HERC4: variants seen among roughly 807,000 people sequenced by gnomAD.
The protein encoded by HERC4 is HECT and RLD domain containing E3 ubiquitin protein ligase 4.
A neutral mutation model predicts 124.3 loss-of-function variants in HERC4; 28 were observed. The ratio of observed to expected loss-of-function variants is 0.23; its 90% CI spans 0.17 to 0.31. HERC4 has a LOEUF of 0.31. Ranked by LOEUF, HERC4 falls within the 10% of genes least tolerant of loss-of-function variation. HERC4 has a pLI of 1.00. For synonymous variants in HERC4, 407 were observed against 421.5 expected, an observed-to-expected ratio of 0.97 and a Z score of 0.42; for missense variants, 713 against 1,229.3, an observed-to-expected ratio of 0.58 and a Z score of 6.28.
intron 9 of HERC4, among the ~76,000 whole-genome samples, chr10:68,009,924 G>A (rs1294838364): frequency 6.6e-6 from 1 of 152,182 alleles, no homozygotes; most frequent in Non-Finnish European, 1.5e-5. Context: ...AAATGGATGA[G>A]GAGTATTTTT....
chr10:67,986,753 G>C (rs556550322), intron 15 of HERC4, among the ~76,000 whole-genome samples: 1 of 152,178 alleles, frequency 6.6e-6, no homozygotes, highest in Non-Finnish European at 1.5e-5. Context: ...ATGGGATAAA[G>C]AAAAAGACTT....
intron 9 of HERC4, among the ~76,000 whole-genome samples, chr10:68,003,919 A>C (rs1454300241): frequency 1.3e-5 from 2 of 152,182 alleles, no homozygotes; most frequent in African/African-American, 4.8e-5. Context: ...TTTTTTAAGG[A>C]ATCTCCATAC....
intron 3 of HERC4, among the ~76,000 whole-genome samples, chr10:68,072,450 A>T (rs2041620072): frequency 6.6e-6 from 1 of 152,172 alleles, no homozygotes; most frequent in Non-Finnish European, 1.5e-5. Flanking sequence ...AAAGAATAAA[A>T]ATATATTTTA....
At chr10:67,988,919 A>G (rs1190478568) in intron 14 of HERC4, 84 bp from the exon 15 acceptor site, 2 of 1,076,358 alleles carry the variant, frequency 1.9e-6, no homozygotes, top group Non-Finnish European at 2.8e-6. Context: ...TTTTTTCTGA[A>G]ACAGTAGTTG....
intron 19 of HERC4, among the ~76,000 whole-genome samples, chr10:67,952,506 A>C (rs186750155): frequency 4.2e-4 from 64 of 151,068 alleles, no homozygotes; most frequent in African/African-American, 1.1e-3. Flanking sequence ...CTGGTCTTGG[A>C]CTCCTGACCT....
At chr10:67,938,656 T>A (rs2032596094) in intron 21 of HERC4, among the ~76,000 whole-genome samples, 1 of 151,032 alleles carries the variant, frequency 6.6e-6, no homozygotes, top group South Asian at 2.1e-4. Context: ...TTATTTAACA[T>A]CCCTTTTGGC....
intron 9 of HERC4, among the ~76,000 whole-genome samples, chr10:68,003,153 A>G (rs2037329977): frequency 1.3e-5 from 2 of 149,100 alleles, no homozygotes; most frequent in Non-Finnish European, 3.0e-5. Context: ...TATTAACTAT[A>G]TTTTTATACT....
At chr10:68,013,448 G>C (rs181067690) in intron 9 of HERC4, among the ~76,000 whole-genome samples, 2,354 of 150,898 alleles carry the variant, frequency 0.016, 64 homozygotes, top group Non-Finnish European at 0.016. Context: ...CCTTGAGGAC[G>C]TTATGCTTAG....
chr10:68,018,571 T>C (rs2038404896), intron 8 of HERC4, among the ~76,000 whole-genome samples: 2 of 152,178 alleles, frequency 1.3e-5, no homozygotes, highest in Non-Finnish European at 2.9e-5. Context: ...GACTCACAGA[T>C]GGTATGACTA....
intron 7 of HERC4, among the ~76,000 whole-genome samples, chr10:68,028,785 G>C (rs2039036668): frequency 2.0e-5 from 3 of 152,154 alleles, no homozygotes. Flanking sequence ...CTCTTAAGCT[G>C]AAAATCATAG....
At chr10:68,002,568 A>T (rs1437113464) in intron 9 of HERC4, among the ~76,000 whole-genome samples, 1 of 151,730 alleles carries the variant, frequency 6.6e-6, no homozygotes, top group Non-Finnish European at 1.5e-5. Context: ...ATAAAAGGCA[A>T]ATTTAAAATG....
intron 3 of HERC4, among the ~76,000 whole-genome samples, chr10:68,071,142 C>T (rs1459864203): frequency 6.6e-6 from 1 of 151,914 alleles, no homozygotes; most frequent in Admixed American, 6.5e-5. Flanking sequence ...TAGGGAAACC[C>T]ACTGCCCCAA....
chr10:67,942,506 A>AGTTT (rs201726576), intron 19 of HERC4, among the ~76,000 whole-genome samples: 21 of 152,058 alleles, frequency 1.4e-4, no homozygotes, highest in African/African-American at 4.3e-4. Context: ...CCCCCGTTCC[A>AGTTT]GTTTGTTTGT....
intron 4 of HERC4, 74 bp downstream of exon 4, chr10:68,044,330 T>C: frequency 1.4e-6 from 2 of 1,430,486 alleles, no homozygotes; most frequent in Non-Finnish European, 1.9e-6. Flanking sequence ...GGCCCAAAGA[T>C]AAGCAGAACA....
intron 23 of HERC4, among the ~76,000 whole-genome samples, chr10:67,930,457 T>G (rs568727772): frequency 1.3e-5 from 2 of 152,180 alleles, no homozygotes; most frequent in Non-Finnish European, 2.9e-5. Flanking sequence ...CTAGGTCATA[T>G]AGCAAATGTA....
chr10:68,029,778 G>A (rs1462356305), intron 7 of HERC4, among the ~76,000 whole-genome samples: 5 of 145,104 alleles, frequency 3.4e-5, no homozygotes, highest in East Asian at 2.0e-4. Context: ...TCTCGCTGTC[G>A]ACCAGGCTGG....
At chr10:68,060,978 C>T (rs1460371890) in intron 3 of HERC4, among the ~76,000 whole-genome samples, 2 of 151,918 alleles carry the variant, frequency 1.3e-5, no homozygotes, top group South Asian at 2.1e-4. Context: ...GCTAAACTTT[C>T]TTCCAGTTGC....
chr10:67,982,957 G>A lies in HERC4; in HGVS notation c.1806+5706C>T, dbSNP rs576234316. Among the ~76,000 whole-genome samples, 70 of 151,620 alleles carry A rather than the reference G, an allele frequency of 4.6e-4. 1 individual carries two copies. In the South Asian group the frequency reaches 8.1e-3, roughly 18 times the overall value. ...AGCCTGGGCAACACGGTGAAACCCC[G>A]TCTCTAATAAAATACAAAAAATTAG... On this transcript the variant is annotated intron_variant, in intron 15 of 24. Transcript: ENST00000373700.
At chr10:68,064,184 AG>A (rs1255868561) in intron 3 of HERC4, among the ~76,000 whole-genome samples, 1 of 152,126 alleles carries the variant, frequency 6.6e-6, no homozygotes, top group Non-Finnish European at 1.5e-5. Flanking sequence ...GGTTGCCGTG[AG>A]CCGAGATCAT....
Sources: allele counts gnomAD v4.1 joint callset (sites outside exome capture counted in the v4.1 genomes callset), GRCh38; gene constraint gnomAD v4.1.1; transcripts MANE v1.5; gene names NCBI Gene and HGNC (gene_info 2026-07-23, HGNC 2026-07-21).